The following FKBP14 variants were observed in gnomAD, a reference collection of about 807,000 sequenced individuals.
FKBP14 encodes peptidyl-prolyl cis-trans isomerase FKBP14.
In FKBP14, 20 loss-of-function variants were observed where a neutral mutation model predicts 21.6. That is an observed-to-expected ratio of 0.92 (90% CI 0.65 to 1.34). The LOEUF is 1.34. FKBP14 is among the 40% of genes most tolerant of loss of function. The probability of loss-of-function intolerance (pLI) is 0.00; values close to 1 mark genes in which losing one functional copy is unlikely to be tolerated. For missense variants in FKBP14, 253 were observed against 249.0 expected, an observed-to-expected ratio of 1.02 and a Z score of -0.11; for synonymous variants, 79 against 86.7, an observed-to-expected ratio of 0.91 and a Z score of 0.49.
At chr7:30,015,366 C>A (rs763230838) in intron 3 of FKBP14, among the ~76,000 whole-genome samples, 1 of 151,698 alleles carries the variant, frequency 6.6e-6, no homozygotes, top group Non-Finnish European at 1.5e-5. Flanking sequence ...TGCAGTGAAT[C>A]GAGATTGCGC....
chr7:30,013,092 T>C lies in FKBP14; in HGVS notation c.*1643A>G, dbSNP rs973201398. ...AAGATAATAATGCACTTAATATCAT[T>C]TTGTACACTATAAAGGGCTACTCTT... On this transcript the variant is annotated 3_prime_UTR_variant, in exon 4 of 4. Coordinates refer to ENST00000222803, the MANE Select transcript of FKBP14 (RefSeq NM_017946.4). 6.6e-6 allele frequency: 1 copy of C among 152,132 alleles called. No individual in the cohort carries two copies. The highest frequency in any genetic ancestry group is 2.4e-5 in the African/African-American group (1 of 41,420). 9.4% of individuals were successfully genotyped at this position (152,132 alleles called of 1,614,324 possible).
At position 30,018,998 on chromosome 7, in the gene FKBP14, C is replaced by T. The variant is rs1330703003; in HGVS notation, c.475G>A (p.Glu159Lys). The T allele has an allele frequency of 6.2e-7, 1 of 1,608,736 alleles. No homozygotes were observed. The change falls in exon 3 of 4, where the codon GAG (glutamate) becomes AAG (lysine). Residue 159 changes from glutamate to lysine, a missense_variant and splice_region_variant. Coordinates refer to ENST00000222803, the MANE Select transcript of FKBP14 (RefSeq NM_017946.4). ...GAGTAGGAAGAAGGAAAGGTCACCT[C>T]ATCTTTAGAGAGTTTCCAGTCATCA... Reference protein sequence around the residue: ...LNDDWKLSKDEVKAYLKKEFE... With the variant: ...LNDDWKLSKDKVKAYLKKEFE...
chr7:30,021,010 C>T (rs1790017264), intron 2 of FKBP14, among the ~76,000 whole-genome samples: 1 of 152,204 alleles, frequency 6.6e-6, no homozygotes, highest in Non-Finnish European at 1.5e-5. Context: ...TGACTCCTCA[C>T]TTTTGTCAGT....
chr7:30,026,493 A>C lies in FKBP14; in HGVS notation c.16T>G (p.Trp6Gly), dbSNP rs935382945. Residue 6 changes from tryptophan to glycine, a missense_variant, in exon 1 of 4, where the codon TGG becomes GGG. Coordinates refer to ENST00000222803, the MANE Select transcript of FKBP14 (RefSeq NM_017946.4). ...ACGAACAGAGTCAAGACCGCGTTCC[A>C]CAAGAAAAGCCTCATGTTGCTGAAG... is the stretch of plus-strand genomic sequence containing the variant. The part of the protein sequence containing the change: MRLFL[W>G]NAVLTLFVTS... The C allele has an allele frequency of 2.5e-6, 4 of 1,611,652 alleles. No individual in the cohort carries two copies. The African/African-American group carries it at 5.4e-5, about 22-fold the overall frequency.
chr7:30,024,691 C>A (rs1320117202), intron 1 of FKBP14, among the ~76,000 whole-genome samples: 2 of 152,222 alleles, frequency 1.3e-5, no homozygotes, highest in African/African-American at 4.8e-5. Flanking sequence ...CCACCACGCC[C>A]AGCCAATTTG....
rs768353747 is a variant in FKBP14, at chr7:30,014,893, C to T, written c.478G>A (p.Val160Ile). Reference protein sequence around the residue: ...NDDWKLSKDEVKAYLKKEFEK... With the variant: ...NDDWKLSKDEIKAYLKKEFEK... ...AACTCCTTCTTTAAATATGCTTTAA[C>T]CTACAAAATAACAGATCCCATTAAT... is the stretch of plus-strand genomic sequence containing the variant. Residue 160 changes from valine (V) to isoleucine (I), a missense_variant and splice_region_variant, in exon 4 of 4, where the codon GTT becomes ATT. Physicochemically the swap from Val to Ile is conservative, Grantham distance 29. Coordinates refer to ENST00000222803, the MANE Select transcript of FKBP14 (RefSeq NM_017946.4). 15 of 1,575,416 alleles carry T rather than the reference C, an allele frequency of 9.5e-6. No individual in the cohort carries two copies. Among genetic ancestry groups the T allele is most frequent in the Middle Eastern group, 3.4e-4 (2 of 5,886 alleles).
chr7:30,025,658 C>A (rs1790155085), intron 1 of FKBP14: 2 of 152,200 alleles, frequency 1.3e-5, no homozygotes, highest in Admixed American at 1.3e-4. Context: ...GTTCCAATTT[C>A]TTCGTTTATA....
rs1789830226 is a variant in FKBP14 at position 30,014,637 on chromosome 7, C to A, written c.*98G>T. 1.2e-6 allele frequency: 1 copy of A among 834,758 alleles called. No homozygotes were observed. The highest frequency in any genetic ancestry group is 1.6e-6 in the Non-Finnish European group (1 of 616,678). The allele number at this position is 834,758 out of a possible 1,614,324, so 51.7% of individuals were successfully genotyped here. ...AGAAAAAATATATAAAAATAAAAAA[C>A]AAAGCAAGAAAGAACATTGTATAAA... is the stretch of plus-strand genomic sequence containing the variant. On this transcript the variant is annotated 3_prime_UTR_variant, in exon 4 of 4. Coordinates refer to ENST00000222803, the MANE Select transcript of FKBP14 (RefSeq NM_017946.4).
At chr7:30,020,269 C>T in intron 2 of FKBP14, 1 of 1,275,558 alleles carries the variant, frequency 7.8e-7, no homozygotes, top group South Asian at 1.3e-5. Context: ...AAACTGGTAT[C>T]TTTCCAAAAG....
At chr7:30,024,281 A>T (rs1373943694) in intron 1 of FKBP14, among the ~76,000 whole-genome samples, 1 of 152,222 alleles carries the variant, frequency 6.6e-6, no homozygotes, top group Non-Finnish European at 1.5e-5. Context: ...AAGAAGCAGG[A>T]AACATTCTAC....
At chr7:30,017,585 AAAT>A (rs1363823447) in intron 3 of FKBP14, among the ~76,000 whole-genome samples, 1 of 151,786 alleles carries the variant, frequency 6.6e-6, no homozygotes, top group Non-Finnish European at 1.5e-5. Flanking sequence ...AAAAAACAGT[AAAT>A]AATAGAGATA....
In FKBP14 at chr7:30,026,283, T is replaced by C. The variant is rs372416011; in HGVS notation, c.197+29A>G. The C allele has an allele frequency of 4.4e-5, 70 of 1,576,050 alleles. 1 individual carries two copies. Among genetic ancestry groups the C allele is most frequent in the Non-Finnish European group, 6.0e-5 (69 of 1,157,024 alleles). Reference sequence around the variant, plus strand: ...CATAAGTGAGTGGATTCTTAATTACTATTTTACCTGCGGGGCATAATTACT... The same window carrying C: ...CATAAGTGAGTGGATTCTTAATTACCATTTTACCTGCGGGGCATAATTACT... On this transcript the variant is annotated intron_variant, in intron 1 of 3. Coordinates refer to ENST00000222803, the MANE Select transcript of FKBP14 (RefSeq NM_017946.4).
At chr7:30,009,340 C>A (rs2127944435), downstream of FKBP14, among the ~76,000 whole-genome samples, 1 of 151,420 alleles carries the variant, frequency 6.6e-6, no homozygotes, top group African/African-American at 2.4e-5. Flanking sequence ...TCAAGTGATT[C>A]TCCTGCTTCA....
rs1383113685 is a variant in FKBP14 at position 30,011,489 on chromosome 7, G to C, written c.*3246C>G. 6.9e-6 allele frequency: 1 copy of C among 145,558 alleles called. No homozygotes were observed. Among genetic ancestry groups the C allele is most frequent in the African/African-American group, 2.6e-5 (1 of 38,982 alleles). The allele number at this position is 145,558 out of a possible 1,614,324, so 9.0% of individuals were successfully genotyped here. A position where few individuals can be genotyped will look rare whatever the true frequency, so the allele number is the denominator to read the frequency against. ...ACTTCCAGTTCTGTAAGCTCCGTTA[G>C]TAAGTGCCCTATACAGGTATACCAT... On this transcript the variant is annotated 3_prime_UTR_variant, in exon 4 of 4. Transcript: ENST00000222803.
In FKBP14 at chr7:30,013,759, ACT is replaced by A. The variant is rs1413570714; in HGVS notation, c.*974_*975del. On this transcript the variant is annotated 3_prime_UTR_variant, in exon 4 of 4. Transcript: ENST00000222803. ...TATTGATACATTTTATTACAAAGAA[ACT>A]CACACATAAATGATTTGTCCTATTT... 6.6e-6 allele frequency: 1 copy of A among 152,126 alleles called. No homozygotes were observed. The highest frequency in any genetic ancestry group is 1.5e-5 in the Non-Finnish European group (1 of 68,032). The allele number at this position is 152,126 out of a possible 1,614,324, so 9.4% of individuals were successfully genotyped here. A position where few individuals can be genotyped will look rare whatever the true frequency, so the allele number is the denominator to read the frequency against.
chr7:30,015,909 G>A (rs2127947040), intron 3 of FKBP14, among the ~76,000 whole-genome samples: 1 of 151,808 alleles, frequency 6.6e-6, no homozygotes, highest in East Asian at 2.0e-4. Context: ...ACAGGCGTGA[G>A]CCACCGCGCC....
chr7:30,009,711 C>T (rs1197998790), downstream of FKBP14, among the ~76,000 whole-genome samples: 2 of 151,586 alleles, frequency 1.3e-5, no homozygotes, highest in Non-Finnish European at 2.9e-5. Flanking sequence ...AGCAATAGGC[C>T]GGGCGTGGTC....
rs1789769978 is a variant in FKBP14 at position 30,012,628 on chromosome 7, T to C, written c.*2107A>G. On this transcript the variant is annotated 3_prime_UTR_variant, in exon 4 of 4. Coordinates refer to ENST00000222803, the MANE Select transcript of FKBP14 (RefSeq NM_017946.4). ...CTACATATGATGTAATAATTGTTCA[T>C]AATTCTTTTTAAACAACAAATGGGG... is the stretch of plus-strand genomic sequence containing the variant. The C allele has an allele frequency of 6.6e-6, 1 of 152,242 alleles. No individual in the cohort carries two copies. The highest frequency in any genetic ancestry group is 2.1e-4 in the South Asian group (1 of 4,830). 9.4% of individuals were successfully genotyped at this position (152,242 alleles called of 1,614,324 possible).
intron 2 of FKBP14, chr7:30,020,160 A>G: frequency 1.0e-6 from 1 of 960,236 alleles, no homozygotes; most frequent in Non-Finnish European, 1.3e-6. Context: ...ATTTCCATGA[A>G]AGAACATTCA....
Sources: allele counts gnomAD v4.1 joint callset (sites outside exome capture counted in the v4.1 genomes callset), GRCh38; gene constraint gnomAD v4.1.1; transcripts MANE v1.5; gene names NCBI Gene and HGNC (gene_info 2026-07-23, HGNC 2026-07-21).